Variants in RABGAP1L observed in about 807,000 individuals in gnomAD.
RABGAP1L encodes RAB GTPase activating protein 1 like, also known as rab GTPase-activating protein 1-like.
In RABGAP1L, 63 loss-of-function variants were observed where a neutral mutation model predicts 137.7. The observed-to-expected ratio is 0.46, with a 90% CI of 0.37 to 0.56. The LOEUF is 0.56. RABGAP1L is among the 20% of genes least tolerant of loss of function. RABGAP1L has a pLI of 0.00. For missense variants in RABGAP1L, 1,095 were observed against 1,244.0 expected (o/e 0.88, Z 1.80); for synonymous variants, 431 against 433.7 (o/e 0.99, Z 0.08).
chr1:174,344,434 T>C (rs558011668), intron 11 of RABGAP1L, among the ~76,000 whole-genome samples: 2 of 152,298 alleles, frequency 1.3e-5, no homozygotes, highest in African/African-American at 4.8e-5. Context: ...GGACCTTGTG[T>C]CTAGGAGTGC....
chr1:174,912,724 TC>T (rs1660250215), intron 19 of RABGAP1L, among the ~76,000 whole-genome samples: 1 of 152,198 alleles, frequency 6.6e-6, no homozygotes, highest in African/African-American at 2.4e-5. Flanking sequence ...ATATATGTAG[TC>T]ATATGTTTTT....
intron 19 of RABGAP1L, among the ~76,000 whole-genome samples, chr1:174,947,111 A>G (rs369047807): frequency 6.0e-5 from 9 of 150,896 alleles, no homozygotes; most frequent in African/African-American, 2.2e-4. Context: ...AACATAAACA[A>G]TTCAAGTTCT....
intron 1 of RABGAP1L, among the ~76,000 whole-genome samples, chr1:174,180,915 T>C (rs1666298591): frequency 6.6e-6 from 1 of 152,240 alleles, no homozygotes; most frequent in African/African-American, 2.4e-5. Context: ...CTGGTACTTG[T>C]TTCATGCTTT....
intron 19 of RABGAP1L, among the ~76,000 whole-genome samples, chr1:174,882,944 T>C (rs1654485935): frequency 6.6e-6 from 1 of 152,098 alleles, no homozygotes; most frequent in African/African-American, 2.4e-5. Context: ...TGCCTCGTCC[T>C]TTTGAGTAAC....
At chr1:174,721,753 A>G (rs541107485) in intron 17 of RABGAP1L, among the ~76,000 whole-genome samples, 71 of 152,348 alleles carry the variant, frequency 4.7e-4, no homozygotes, top group African/African-American at 1.7e-3. Context: ...GCTTATTCAG[A>G]GTTTTACTTG....
chr1:174,190,062 T>A (rs1040121735), intron 1 of RABGAP1L, among the ~76,000 whole-genome samples: 2 of 152,106 alleles, frequency 1.3e-5, no homozygotes, highest in African/African-American at 4.8e-5. Flanking sequence ...CCCAGCACTT[T>A]GGGAGGCCGA....
intron 1 of RABGAP1L, among the ~76,000 whole-genome samples, chr1:174,174,186 GA>G (rs1429577034): frequency 4.7e-5 from 6 of 128,690 alleles, no homozygotes; most frequent in African/African-American, 8.5e-5. Flanking sequence ...GAAGAAATTG[GA>G]AAAAAAATAC....
intron 10 of RABGAP1L, among the ~76,000 whole-genome samples, chr1:174,287,295 C>G (rs1265614201): frequency 6.6e-6 from 1 of 152,122 alleles, no homozygotes; most frequent in African/African-American, 2.4e-5. Flanking sequence ...TTCTTTGTCT[C>G]TTCTGACAGT....
rs1671953339 is a variant in RABGAP1L, at chr1:174,989,996, A to G, written c.3151A>G (p.Thr1051Ala). ...GGTCACCCAGCCACCCAAGGAGAGCACATAGTTCCAGCCTTACCCAAGCAC... is the reference window on the plus strand; with the variant it reads ...GGTCACCCAGCCACCCAAGGAGAGCGCATAGTTCCAGCCTTACCCAAGCAC... ...APVTQPPKEST is the reference protein window; with the variant it reads ...APVTQPPKESA Residue 1051 changes from threonine (T) to alanine (A), a missense_variant, in exon 26 of 26, where the codon ACA becomes GCA. This residue lies in a region of RABGAP1L where 312 missense variants were observed against 435.6 expected (regional missense o/e 0.72). Transcript: ENST00000681986. The G allele has an allele frequency of 6.5e-7, 1 of 1,542,030 alleles. No individual in the cohort carries two copies. Among genetic ancestry groups the G allele is most frequent in the Non-Finnish European group, 8.8e-7 (1 of 1,139,260 alleles).
At chr1:174,355,504 C>T (rs1683555815) in intron 11 of RABGAP1L, among the ~76,000 whole-genome samples, 1 of 150,726 alleles carries the variant, frequency 6.6e-6, no homozygotes, top group Non-Finnish European at 1.5e-5. Context: ...AGGAGATATA[C>T]CTAATGCTAA....
At chr1:174,763,837 C>CAAA (rs570110788) in intron 18 of RABGAP1L, among the ~76,000 whole-genome samples, 4 of 81,154 alleles carry the variant, frequency 4.9e-5, no homozygotes, top group African/African-American at 1.9e-4. Context: ...GACTCCGTCT[C>CAAA]AAAAAAAAAA....
chr1:174,767,267 T>TA (rs1685742904), intron 18 of RABGAP1L, among the ~76,000 whole-genome samples: 1 of 152,242 alleles, frequency 6.6e-6, no homozygotes, highest in Admixed American at 6.5e-5. Context: ...TCAAATATTT[T>TA]ACAGAGCTTG....
intron 13 of RABGAP1L, among the ~76,000 whole-genome samples, chr1:174,411,911 C>A (rs993760533): frequency 6.6e-6 from 1 of 152,006 alleles, no homozygotes; most frequent in Non-Finnish European, 1.5e-5. Flanking sequence ...TGTGATTGAT[C>A]TTGGAGTATG....
At chr1:174,833,914 G>A (rs144699105) in intron 19 of RABGAP1L, among the ~76,000 whole-genome samples, 1 of 152,152 alleles carries the variant, frequency 6.6e-6, no homozygotes, top group Non-Finnish European at 1.5e-5. Flanking sequence ...AAGTGACATT[G>A]TAAGTTGAGG....
chr1:174,616,915 G>A (rs1183962265), intron 13 of RABGAP1L, among the ~76,000 whole-genome samples: 2 of 152,142 alleles, frequency 1.3e-5, no homozygotes, highest in African/African-American at 2.4e-5. Flanking sequence ...AATTAGTAAG[G>A]TATGACACCT....
intron 1 of RABGAP1L, among the ~76,000 whole-genome samples, chr1:174,205,403 A>C (rs184743775): frequency 4.0e-5 from 6 of 151,814 alleles, no homozygotes; most frequent in Non-Finnish European, 8.8e-5. Context: ...TCAGCTGTGA[A>C]TCCATCAGGT....
At chr1:174,700,974 C>T (rs1287369898) in intron 16 of RABGAP1L, 6 of 1,042,308 alleles carry the variant, frequency 5.8e-6, no homozygotes, top group Non-Finnish European at 6.3e-6. Flanking sequence ...AGTTTTTTTT[C>T]AGTTAACTGA....
At chr1:174,808,719 T>C (rs1689580015) in intron 18 of RABGAP1L, among the ~76,000 whole-genome samples, 1 of 151,854 alleles carries the variant, frequency 6.6e-6, no homozygotes, top group African/African-American at 2.4e-5. Flanking sequence ...AATGGTGCAG[T>C]CTCGGCTCTC....
chr1:174,433,645 G>C (rs1652902689), intron 13 of RABGAP1L, among the ~76,000 whole-genome samples: 1 of 152,158 alleles, frequency 6.6e-6, no homozygotes, highest in South Asian at 2.1e-4. Context: ...CAAACACTGA[G>C]CCATGAGTCA....
Sources: allele counts gnomAD v4.1 joint callset (sites outside exome capture counted in the v4.1 genomes callset), GRCh38; gene constraint gnomAD v4.1.1; regional missense constraint gnomAD v4.1.1; transcripts MANE v1.5; gene names NCBI Gene and HGNC (gene_info 2026-07-23, HGNC 2026-07-21).